The following PDE10A variants were observed in gnomAD, a reference collection of about 807,000 sequenced individuals.
PDE10A encodes the protein phosphodiesterase 10A.
A neutral mutation model predicts 97.7 loss-of-function variants in PDE10A; 39 were observed. That is an observed-to-expected ratio of 0.40 (90% CI 0.31 to 0.52). The LOEUF (loss-of-function observed/expected upper bound fraction) is 0.52. Among genes scored for constraint, PDE10A ranks in the 20% least tolerant of loss-of-function variants. The pLI, the probability that PDE10A is intolerant of heterozygous loss-of-function variation, is 0.56. For synonymous variants in PDE10A, 371 were observed against 376.8 expected (o/e 0.98, Z 0.18); for missense variants, 731 against 1,047.8 (o/e 0.70, Z 4.17).
chr6:165,610,184 G>C (rs1231108257), intron 1 of PDE10A, among the ~76,000 whole-genome samples: 2 of 152,202 alleles, frequency 1.3e-5, no homozygotes, highest in African/African-American at 2.4e-5. Flanking sequence ...GAACAGAACA[G>C]AGCCCTCAGA....
At chr6:165,860,235 CAT>C (rs564498029) in intron 1 of PDE10A, among the ~76,000 whole-genome samples, 65 of 152,306 alleles carry the variant, frequency 4.3e-4, no homozygotes, top group African/African-American at 1.4e-3. Flanking sequence ...GAGTGGATCA[CAT>C]GAGGTTGAGA....
At chr6:165,551,720 G>A (rs147684621) in intron 1 of PDE10A, among the ~76,000 whole-genome samples, 49 of 152,120 alleles carry the variant, frequency 3.2e-4, no homozygotes, top group Non-Finnish European at 5.9e-4. Context: ...AGTGTTATTG[G>A]TCAGGGCTAG....
chr6:165,829,148 C>T (rs1033804868), intron 1 of PDE10A, among the ~76,000 whole-genome samples: 3 of 152,180 alleles, frequency 2.0e-5, no homozygotes, highest in Admixed American at 2.0e-4. Flanking sequence ...CTCCCAGTGT[C>T]CTTTTGATAG....
intron 1 of PDE10A, among the ~76,000 whole-genome samples, chr6:165,553,407 T>C (rs576714359): frequency 5.0e-4 from 76 of 152,320 alleles, no homozygotes; most frequent in African/African-American, 1.7e-3. Flanking sequence ...CTGATACCAT[T>C]TTTAACCAAG....
chr6:165,563,690 C>T (rs573269109), intron 1 of PDE10A, among the ~76,000 whole-genome samples: 3 of 151,962 alleles, frequency 2.0e-5, no homozygotes, highest in East Asian at 1.9e-4. Flanking sequence ...CAGAAGTTTA[C>T]GACCAGACTG....
At chr6:165,824,589 T>G (rs1203560656) in intron 1 of PDE10A, among the ~76,000 whole-genome samples, 1 of 152,320 alleles carries the variant, frequency 6.6e-6, no homozygotes, top group South Asian at 2.1e-4. Flanking sequence ...AATTTTCACC[T>G]TGGAACAAAG....
intron 1 of PDE10A, among the ~76,000 whole-genome samples, chr6:165,983,462 C>T (rs1785082728): frequency 6.6e-6 from 1 of 152,150 alleles, no homozygotes; most frequent in African/African-American, 2.4e-5. Flanking sequence ...TTCTCATGTT[C>T]AAAGTTCCCA....
At chr6:165,459,550 CAGACAGACAGAT>C (rs879560632) in intron 3 of PDE10A, among the ~76,000 whole-genome samples, 4,514 of 118,970 alleles carry the variant, frequency 0.038, 103 homozygotes, top group Admixed American at 0.074. Flanking sequence ...GACAGACAGA[CAGACAGACAGAT>C]AGATAGATAA....
chr6:165,455,159 C>G (rs754569171), intron 3 of PDE10A, among the ~76,000 whole-genome samples: 8 of 152,058 alleles, frequency 5.3e-5, no homozygotes, highest in Non-Finnish European at 8.8e-5. Flanking sequence ...TTATTATTAT[C>G]TTGAGACAGG....
chr6:165,739,091 T>A (rs2934851), intron 1 of PDE10A, among the ~76,000 whole-genome samples: 21,561 of 152,104 alleles, frequency 0.14, 1,759 homozygotes, highest in South Asian at 0.29. Context: ...TTCAATGAAA[T>A]CTTATGAAAA....
chr6:165,392,405 AT>A (rs1260116479), intron 16 of PDE10A, among the ~76,000 whole-genome samples: 1 of 152,166 alleles, frequency 6.6e-6, no homozygotes, highest in Non-Finnish European at 1.5e-5. Flanking sequence ...AGACTACAAA[AT>A]TAGTATTTCC....
chr6:165,839,622 C>T (rs1343249336), intron 1 of PDE10A, among the ~76,000 whole-genome samples: 1 of 152,068 alleles, frequency 6.6e-6, no homozygotes, highest in East Asian at 1.9e-4. Flanking sequence ...AGGGCTCTCT[C>T]TATTTCTCTA....
chr6:165,849,442 T>C (rs1390923182), intron 1 of PDE10A, among the ~76,000 whole-genome samples: 2 of 152,108 alleles, frequency 1.3e-5, no homozygotes, highest in African/African-American at 4.8e-5. Context: ...ATGTTAACAG[T>C]GAGGGGGCAG....
intron 1 of PDE10A, among the ~76,000 whole-genome samples, chr6:165,686,083 A>G (rs1791107008): frequency 6.6e-6 from 1 of 152,006 alleles, no homozygotes; most frequent in African/African-American, 2.4e-5. Context: ...AGTAGAATTC[A>G]GAGCTAGCTG....
chr6:165,509,266 C>CTGG (rs1781377193), intron 2 of PDE10A, among the ~76,000 whole-genome samples: 1 of 151,864 alleles, frequency 6.6e-6, no homozygotes, highest in African/African-American at 2.4e-5. Context: ...TATTTCAAGT[C>CTGG]CTTTCTTCTG....
At chr6:165,420,559 A>G (rs1788621210) in intron 10 of PDE10A, among the ~76,000 whole-genome samples, 1 of 152,256 alleles carries the variant, frequency 6.6e-6, no homozygotes, top group Non-Finnish European at 1.5e-5. Flanking sequence ...ATTATTAAAC[A>G]TTAAATTATA....
At chr6:165,802,989 A>T (rs1030277279) in intron 1 of PDE10A, among the ~76,000 whole-genome samples, 2 of 152,202 alleles carry the variant, frequency 1.3e-5, no homozygotes, top group African/African-American at 4.8e-5. Flanking sequence ...GAGTTCCCAG[A>T]TGTCAGGGCT....
At chr6:165,573,833 T>C (rs1562593463) in intron 1 of PDE10A, among the ~76,000 whole-genome samples, 1 of 152,082 alleles carries the variant, frequency 6.6e-6, no homozygotes, top group Non-Finnish European at 1.5e-5. Flanking sequence ...TGGCACAAAA[T>C]TTGGGAAAAG....
chr6:165,366,784 A>C (rs1459047444), intron 18 of PDE10A, among the ~76,000 whole-genome samples: 1 of 152,210 alleles, frequency 6.6e-6, no homozygotes, highest in Non-Finnish European at 1.5e-5. Context: ...CACCAAGGCC[A>C]AAACAGAAAT....
Sources: gnomAD v4.1 joint callset for allele counts (sites outside exome capture counted in the v4.1 genomes callset) on GRCh38, gnomAD v4.1.1 for gene constraint, MANE v1.5 for transcripts, NCBI Gene and HGNC (gene_info 2026-07-23, HGNC 2026-07-21) for gene names.